Variants in OR8H2 observed in about 807,000 individuals in gnomAD.
OR8H2 encodes olfactory receptor family 8 subfamily H member 2, also known as olfactory receptor 8H2.
For missense variants in OR8H2, 374 were observed against 371.1 expected, an observed-to-expected ratio of 1.01 and a Z score of -0.06; for synonymous variants, 157 against 139.2, an observed-to-expected ratio of 1.13 and a Z score of -0.90.
rs1352684660 is a variant in OR8H2, at chr11:56,105,848, G to A, written c.806G>A (p.Gly269Glu). 4 of 1,612,682 alleles carry A rather than the reference G, an allele frequency of 2.5e-6. No individual in the cohort carries two copies. The highest frequency in any genetic ancestry group is 1.6e-4 in the Middle Eastern group (1 of 6,084). The change falls in exon 2 of 2, where the codon GGA becomes GAA. Residue 269 changes from glycine (G) to glutamate (E), a missense_variant. By Grantham distance (98) the Gly-to-Glu change is moderately conservative. Transcript: ENST00000313503. The stretch of plus-strand genomic sequence containing the variant: ...AAACCAAGAAAGTCTTATTCCTTGG[G>A]AAGAGATCAAGTGGCTTCTGTTTTT... Reference protein sequence around the residue: ...YLKPRKSYSLGRDQVASVFYT... With the variant: ...YLKPRKSYSLERDQVASVFYT...
Position 56,106,996 on chromosome 11 carries a change from A to G in OR8H2, c.*1015A>G, listed in dbSNP as rs1178087688. The G allele has an allele frequency of 1.3e-5, 2 of 151,962 alleles. No homozygotes were observed. Among genetic ancestry groups the G allele is most frequent in the Non-Finnish European group, 2.9e-5 (2 of 67,830 alleles). The allele number at this position is 151,962 out of a possible 1,614,324, so 9.4% of individuals were successfully genotyped here. On this transcript the variant is annotated 3_prime_UTR_variant, in exon 2 of 2. Coordinates refer to ENST00000313503, the MANE Select transcript of OR8H2 (RefSeq NM_001386064.1). The stretch of plus-strand genomic sequence containing the variant: ...AATAGTTTCAAATATGTGCATGTAT[A>G]TAACACATATAAACAAAATTTGTAT...
chr11:56,105,025 A>G lies in OR8H2; in HGVS notation c.-18A>G. On this transcript the variant is annotated 5_prime_UTR_variant, in exon 2 of 2. Coordinates refer to ENST00000313503, the MANE Select transcript of OR8H2 (RefSeq NM_001386064.1). ...TACGTATCAGCTTTGATTTCTCAGC[A>G]GTTTAGAGCAGGTGAACATGATGGG... The G allele has an allele frequency of 6.3e-7, 1 of 1,582,446 alleles. No homozygotes were observed. The highest frequency in any genetic ancestry group is 8.6e-7 in the Non-Finnish European group (1 of 1,162,262).
chr11:56,105,027 T>C lies in OR8H2; in HGVS notation c.-16T>C, dbSNP rs1363422031. 1.3e-6 allele frequency: 2 copies of C among 1,595,516 alleles called. No individual in the cohort carries two copies. The highest frequency in any genetic ancestry group is 1.7e-5 in the Admixed American group (1 of 59,056). On this transcript the variant is annotated 5_prime_UTR_variant, in exon 2 of 2. Coordinates refer to ENST00000313503, the MANE Select transcript of OR8H2 (RefSeq NM_001386064.1). ...CGTATCAGCTTTGATTTCTCAGCAG[T>C]TTAGAGCAGGTGAACATGATGGGTA...
In OR8H2 at chr11:56,105,818, A is replaced by G; in HGVS notation, c.776A>G (p.Tyr259Cys). Residue 259 changes from tyrosine to cysteine, a missense_variant, in exon 2 of 2, where the codon TAT (tyrosine) becomes TGT (cysteine). Tyr to Cys is a radical substitution (Grantham distance 194). Transcript: ENST00000313503. ...TIFYSTLIFT[Y>C]LKPRKSYSLG... ...TTTTATAGCACTCTGATTTTTACTT[A>G]TTTAAAACCAAGAAAGTCTTATTCC... 2 of 1,613,610 alleles carry G rather than the reference A, an allele frequency of 1.2e-6. No homozygotes were observed. Among genetic ancestry groups the G allele is most frequent in the East Asian group, 2.2e-5 (1 of 44,858 alleles).
In OR8H2 at chr11:56,103,945, A is replaced by G. The variant is rs1487919365; in HGVS notation, c.-214A>G. The G allele has an allele frequency of 1.3e-5, 2 of 152,202 alleles. No individual in the cohort carries two copies. The highest frequency in any genetic ancestry group is 3.8e-4 in the East Asian group (2 of 5,204). 9.4% of individuals were successfully genotyped at this position (152,202 alleles called of 1,614,324 possible). On this transcript the variant is annotated 5_prime_UTR_variant, in exon 1 of 2. In the 5' UTR this introduces an upstream ATG that the reference lacks. Transcript: ENST00000313503. ...GAGGTTGACAAATTTCCAGACAGAT[A>G]ATATAAGAAGAAACCTTTTTAATGA...
Position 56,105,082 on chromosome 11 carries a change from A to G in OR8H2, c.40A>G (p.Ile14Val). ...GAATAACACAAATGTGGCTGACTTC[A>G]TCCTTATGGGACTGACACTTTCTGA... ...RRNNTNVADF[I>V]LMGLTLSEEI... The change falls in exon 2 of 2, where the codon ATC (isoleucine) becomes GTC (valine). Residue 14 changes from isoleucine (I) to valine (V), a missense_variant. Ile to Val is a conservative substitution (Grantham distance 29). Transcript: ENST00000313503. 1 of 1,614,074 alleles carries G rather than the reference A, an allele frequency of 6.2e-7. No individual in the cohort carries two copies. Among genetic ancestry groups the G allele is most frequent in the Non-Finnish European group, 8.5e-7 (1 of 1,179,954 alleles).
Position 56,106,968 on chromosome 11 carries a change from A to C in OR8H2, c.*987A>C, listed in dbSNP as rs1182621770. On this transcript the variant is annotated 3_prime_UTR_variant, in exon 2 of 2. Coordinates refer to ENST00000313503, the MANE Select transcript of OR8H2 (RefSeq NM_001386064.1). ...TTGAGTTTTGTGCATGTTCTTCTAGATCAATAGTTTCAAATATGTGCATGT... is the reference window on the plus strand; with the variant it reads ...TTGAGTTTTGTGCATGTTCTTCTAGCTCAATAGTTTCAAATATGTGCATGT... 6.6e-6 allele frequency: 1 copy of C among 151,950 alleles called. No homozygotes were observed. The highest frequency in any genetic ancestry group is 1.5e-5 in the Non-Finnish European group (1 of 67,828). 9.4% of individuals were successfully genotyped at this position (151,950 alleles called of 1,614,324 possible).
Position 56,105,671 on chromosome 11 carries a change from C to T in OR8H2, c.629C>T (p.Ser210Phe). 2 of 1,614,104 alleles carry T rather than the reference C, an allele frequency of 1.2e-6. No individual in the cohort carries two copies. Among genetic ancestry groups the T allele is most frequent in the African/African-American group, 1.3e-5 (1 of 75,052 alleles). Reference protein sequence around the residue: ...FIIVGSTLMVSLFTISASYVF... With the variant: ...FIIVGSTLMVFLFTISASYVF... ...ATTGTTGGTTCCACCCTGATGGTGTCCCTTTTCACAATATCTGCATCCTAT... is the reference window on the plus strand; with the variant it reads ...ATTGTTGGTTCCACCCTGATGGTGTTCCTTTTCACAATATCTGCATCCTAT... The change falls in exon 2 of 2, where the codon TCC becomes TTC. Residue 210 changes from serine (S) to phenylalanine (F), a missense_variant. Ser to Phe is a radical substitution (Grantham distance 155, BLOSUM62 -2). Coordinates refer to ENST00000313503, the MANE Select transcript of OR8H2 (RefSeq NM_001386064.1).
Position 56,105,063 on chromosome 11 carries a change from C to A in OR8H2, c.21C>A (p.Asn7Lys). The change falls in exon 2 of 2, where the codon AAC becomes AAA. Residue 7 changes from asparagine to lysine, a missense_variant. Coordinates refer to ENST00000313503, the MANE Select transcript of OR8H2 (RefSeq NM_001386064.1). Reference sequence around the variant, plus strand: ...TGAACATGATGGGTAGAAGGAATAACACAAATGTGGCTGACTTCATCCTTA... The same window carrying A: ...TGAACATGATGGGTAGAAGGAATAAAACAAATGTGGCTGACTTCATCCTTA... MMGRRN[N>K]TNVADFILMG... 6.2e-7 allele frequency: 1 copy of A among 1,613,098 alleles called. No individual in the cohort carries two copies. Among genetic ancestry groups the A allele is most frequent in the Non-Finnish European group, 8.5e-7 (1 of 1,179,406 alleles).
chr11:56,103,901 T>C lies in OR8H2; in HGVS notation c.-258T>C, dbSNP rs956731131. 1.3e-5 allele frequency: 2 copies of C among 152,178 alleles called. No homozygotes were observed. The highest frequency in any genetic ancestry group is 4.8e-5 in the African/African-American group (2 of 41,454). The allele number at this position is 152,178 out of a possible 1,614,324, so 9.4% of individuals were successfully genotyped here. Reference sequence around the variant, plus strand: ...AATTCATTTCCTCAGTTTTCATATTTTATTTATAACAAAAATTTGAGGTTG... The same window carrying C: ...AATTCATTTCCTCAGTTTTCATATTCTATTTATAACAAAAATTTGAGGTTG... On this transcript the variant is annotated 5_prime_UTR_variant, in exon 1 of 2. Coordinates refer to ENST00000313503, the MANE Select transcript of OR8H2 (RefSeq NM_001386064.1).
chr11:56,105,760 A>C lies in OR8H2; in HGVS notation c.718A>C (p.Thr240Pro). The C allele has an allele frequency of 1.9e-6, 3 of 1,613,880 alleles. No homozygotes were observed. Among genetic ancestry groups the C allele is most frequent in the Non-Finnish European group, 8.5e-7 (1 of 1,179,786 alleles). Reference protein sequence around the residue: ...STSGKQKAFSTCVSHLLGVTI... With the variant: ...STSGKQKAFSPCVSHLLGVTI... ...TTCAGGAAAGCAGAAAGCTTTCTCTACTTGCGTCTCTCATCTCTTGGGAGT... is the reference window on the plus strand; with the variant it reads ...TTCAGGAAAGCAGAAAGCTTTCTCTCCTTGCGTCTCTCATCTCTTGGGAGT... Residue 240 changes from threonine (T) to proline (P), a missense_variant, in exon 2 of 2, where the codon ACT (threonine) becomes CCT (proline). Coordinates refer to ENST00000313503, the MANE Select transcript of OR8H2 (RefSeq NM_001386064.1).
chr11:56,106,058 T>C lies in OR8H2; in HGVS notation c.*77T>C, dbSNP rs1246307067. On this transcript the variant is annotated 3_prime_UTR_variant, in exon 2 of 2. Transcript: ENST00000313503. ...GTTGGGTATTTTCTTAGTCTCTCTA[T>C]AAAAACAATTGAATCTTTTAATTTG... The C allele has an allele frequency of 1.1e-6, 1 of 920,950 alleles. No homozygotes were observed. Among genetic ancestry groups the C allele is most frequent in the Non-Finnish European group, 1.7e-6 (1 of 603,992 alleles). 57.0% of individuals were successfully genotyped at this position (920,950 alleles called of 1,614,324 possible).
chr11:56,105,077 A>T lies in OR8H2; in HGVS notation c.35A>T (p.Asp12Val), dbSNP rs1386748324. 2.5e-6 allele frequency: 4 copies of T among 1,613,898 alleles called. No homozygotes were observed. Among genetic ancestry groups the T allele is most frequent in the Non-Finnish European group, 3.4e-6 (4 of 1,179,866 alleles). The stretch of plus-strand genomic sequence containing the variant: ...AGAAGGAATAACACAAATGTGGCTG[A>T]CTTCATCCTTATGGGACTGACACTT... ...MGRRNNTNVA[D>V]FILMGLTLSE... The change falls in exon 2 of 2, where the codon GAC becomes GTC. Residue 12 changes from aspartate (D) to valine (V), a missense_variant. Coordinates refer to ENST00000313503, the MANE Select transcript of OR8H2 (RefSeq NM_001386064.1).
At position 56,105,509 on chromosome 11, in the gene OR8H2, C is replaced by A; in HGVS notation, c.467C>A (p.Ser156Tyr). The stretch of plus-strand genomic sequence containing the variant: ...CCTTATGTGATTGGCTTTATAGACT[C>A]CTTTGTCAACGTGGTTTCCATGAGC... ...TGPYVIGFIDSFVNVVSMSRL... is the reference protein window; with the variant it reads ...TGPYVIGFIDYFVNVVSMSRL... The change falls in exon 2 of 2, where the codon TCC becomes TAC. Residue 156 changes from serine (S) to tyrosine (Y), a missense_variant. Coordinates refer to ENST00000313503, the MANE Select transcript of OR8H2 (RefSeq NM_001386064.1). 3 of 1,614,178 alleles carry A rather than the reference C, an allele frequency of 1.9e-6. No homozygotes were observed. Among genetic ancestry groups the A allele is most frequent in the Non-Finnish European group, 2.5e-6 (3 of 1,180,034 alleles).
rs769653698 is a variant in OR8H2, at chr11:56,105,443, T to C, written c.401T>C (p.Val134Ala). 1.4e-5 allele frequency: 23 copies of C among 1,614,180 alleles called. No homozygotes were observed. The highest frequency in any genetic ancestry group is 6.6e-5 in the South Asian group (6 of 91,086). ...AAICSPLHYT[V>A]IMSKRLCLAL... ...ATCTGCAGTCCTCTACACTACACAGTTATTATGTCCAAAAGGCTCTGCCTC... is the reference window on the plus strand; with the variant it reads ...ATCTGCAGTCCTCTACACTACACAGCTATTATGTCCAAAAGGCTCTGCCTC... Residue 134 changes from valine to alanine, a missense_variant, in exon 2 of 2, where the codon GTT (valine) becomes GCT (alanine). Physicochemically the swap from Val to Ala is moderately conservative, Grantham distance 64. Coordinates refer to ENST00000313503, the MANE Select transcript of OR8H2 (RefSeq NM_001386064.1).
Position 56,105,598 on chromosome 11 carries a change from GCT to G in OR8H2, c.559_560del (p.Leu187ValfsTer4). ...HFFCDTSPIL[A>X]LSCTDTYNTE... ...TTTCTGTGACACTTCCCCAATTTTA[GCT>G]CTGTCCTGCACTGATACATACAACA... On this transcript the variant is annotated frameshift_variant, in exon 2 of 2. Coordinates refer to ENST00000313503, the MANE Select transcript of OR8H2 (RefSeq NM_001386064.1). LOFTEE classifies it low-confidence loss of function (END_TRUNC). 1 of 1,614,088 alleles carries G rather than the reference GCT, an allele frequency of 6.2e-7. No individual in the cohort carries two copies. The highest frequency in any genetic ancestry group is 1.3e-5 in the African/African-American group (1 of 75,020).
chr11:56,105,944 T>C lies in OR8H2; in HGVS notation c.902T>C (p.Val301Ala), dbSNP rs944390917. The change falls in exon 2 of 2, where the codon GTC becomes GCC. Residue 301 changes from valine to alanine, a missense_variant. By Grantham distance (64) the Val-to-Ala change is moderately conservative. Coordinates refer to ENST00000313503, the MANE Select transcript of OR8H2 (RefSeq NM_001386064.1). ...SLRNKEVKNAVIRVMQRRQDS... is the reference protein window; with the variant it reads ...SLRNKEVKNAAIRVMQRRQDS... ...AGAAACAAAGAGGTGAAAAATGCTG[T>C]CATCAGAGTCATGCAGAGAAGACAG... 6.3e-7 allele frequency: 1 copy of C among 1,598,752 alleles called. No homozygotes were observed. Among genetic ancestry groups the C allele is most frequent in the African/African-American group, 1.3e-5 (1 of 74,090 alleles).
Position 56,106,067 on chromosome 11 carries a change from T to C in OR8H2, c.*86T>C. On this transcript the variant is annotated 3_prime_UTR_variant, in exon 2 of 2. Coordinates refer to ENST00000313503, the MANE Select transcript of OR8H2 (RefSeq NM_001386064.1). Reference sequence around the variant, plus strand: ...TTTCTTAGTCTCTCTATAAAAACAATTGAATCTTTTAATTTGTTTGCATTT... The same window carrying C: ...TTTCTTAGTCTCTCTATAAAAACAACTGAATCTTTTAATTTGTTTGCATTT... 1.1e-6 allele frequency: 1 copy of C among 879,416 alleles called. No individual in the cohort carries two copies. Among genetic ancestry groups the C allele is most frequent in the South Asian group, 1.8e-5 (1 of 55,354 alleles). 54.5% of individuals were successfully genotyped at this position (879,416 alleles called of 1,614,324 possible).
At position 56,105,509 on chromosome 11, in the gene OR8H2, C is replaced by T; in HGVS notation, c.467C>T (p.Ser156Phe). The T allele has an allele frequency of 6.2e-7, 1 of 1,614,178 alleles. No homozygotes were observed. Among genetic ancestry groups the T allele is most frequent in the Non-Finnish European group, 8.5e-7 (1 of 1,180,034 alleles). Residue 156 changes from serine to phenylalanine, a missense_variant, in exon 2 of 2, where the codon TCC becomes TTC. By Grantham distance (155) the Ser-to-Phe change is radical. Coordinates refer to ENST00000313503, the MANE Select transcript of OR8H2 (RefSeq NM_001386064.1). ...CCTTATGTGATTGGCTTTATAGACTCCTTTGTCAACGTGGTTTCCATGAGC... is the reference window on the plus strand; with the variant it reads ...CCTTATGTGATTGGCTTTATAGACTTCTTTGTCAACGTGGTTTCCATGAGC... ...TGPYVIGFIDSFVNVVSMSRL... is the reference protein window; with the variant it reads ...TGPYVIGFIDFFVNVVSMSRL...
Sources: gnomAD v4.1 joint callset for allele counts on GRCh38, gnomAD v4.1.1 for gene constraint, MANE v1.5 for transcripts, NCBI Gene and HGNC (gene_info 2026-07-23, HGNC 2026-07-21) for gene names.